Variants in SOX5 observed in about 807,000 individuals in gnomAD.
SOX5 encodes the protein SRY-box transcription factor 5.
In SOX5, 9 loss-of-function variants were observed where a neutral mutation model predicts 92.0. The ratio of observed to expected loss-of-function variants is 0.10; its 90% CI spans 0.06 to 0.17. The LOEUF (loss-of-function observed/expected upper bound fraction) is 0.17, where lower values mean the gene tolerates loss of function less well. Ranked by LOEUF, SOX5 falls within the 10% of genes least tolerant of loss-of-function variation. The probability of loss-of-function intolerance (pLI) is 1.00; values close to 1 mark genes in which losing one functional copy is unlikely to be tolerated. For missense variants in SOX5, 642 were observed against 944.5 expected, an observed-to-expected ratio of 0.68 and a Z score of 4.20; for synonymous variants, 344 against 336.3, an observed-to-expected ratio of 1.02 and a Z score of -0.25.
At chr12:24,048,005 C>T (rs948464232) in intron 4 of SOX5, among the ~76,000 whole-genome samples, 1 of 152,106 alleles carries the variant, frequency 6.6e-6, no homozygotes, top group Non-Finnish European at 1.5e-5. Flanking sequence ...CAGGTGAATA[C>T]CTAAATCATC....
chr12:24,486,814 T>G (rs1946571118), intron 1 of SOX5, among the ~76,000 whole-genome samples: 1 of 152,212 alleles, frequency 6.6e-6, no homozygotes. Context: ...ACTGAGTCCC[T>G]TAAAACCATT....
chr12:24,531,784 T>C (rs1342440480), intron 1 of SOX5, among the ~76,000 whole-genome samples: 1 of 152,206 alleles, frequency 6.6e-6, no homozygotes, highest in Admixed American at 6.5e-5. Flanking sequence ...TCAAATATCT[T>C]TTGACCATTT....
chr12:24,554,500 C>G (rs534373062), intron 1 of SOX5, among the ~76,000 whole-genome samples: 1 of 152,224 alleles, frequency 6.6e-6, no homozygotes, highest in Admixed American at 6.5e-5. Context: ...CACAGATTCC[C>G]TAGAGGAGTC....
At chr12:23,795,414 C>A (rs969215233) in intron 3 of SOX5, among the ~76,000 whole-genome samples, 1 of 152,062 alleles carries the variant, frequency 6.6e-6, no homozygotes, top group African/African-American at 2.4e-5. Flanking sequence ...TTCCCCTTTT[C>A]TGTACCTCAA....
At chr12:24,214,561 T>G (rs1959016742) in intron 3 of SOX5, among the ~76,000 whole-genome samples, 1 of 152,098 alleles carries the variant, frequency 6.6e-6, no homozygotes, top group Non-Finnish European at 1.5e-5. Context: ...TTCAAGATGT[T>G]TATGCATTTA....
chr12:24,308,025 GA>G (rs549021950), intron 2 of SOX5, among the ~76,000 whole-genome samples: 16 of 145,850 alleles, frequency 1.1e-4, no homozygotes, highest in African/African-American at 2.0e-4. Flanking sequence ...TCTCCCAGTA[GA>G]AAAAAAAAAA....
intron 8 of SOX5, among the ~76,000 whole-genome samples, chr12:23,613,449 T>C (rs897163309): frequency 1.3e-5 from 2 of 152,114 alleles, no homozygotes; most frequent in East Asian, 1.9e-4. Flanking sequence ...AAAAATAATA[T>C]GGTGGTTCCT....
intron 9 of SOX5, among the ~76,000 whole-genome samples, chr12:23,587,660 G>A (rs1015094562): frequency 2.0e-5 from 3 of 151,946 alleles, no homozygotes; most frequent in African/African-American, 4.8e-5. Context: ...AATTCAAAAT[G>A]TATTCATAAT....
intron 10 of SOX5, among the ~76,000 whole-genome samples, chr12:23,564,850 C>T (rs1398374250): frequency 6.6e-6 from 1 of 152,114 alleles, no homozygotes; most frequent in Non-Finnish European, 1.5e-5. Context: ...CTGCTGATTG[C>T]CAAAAAACAT....
At chr12:23,777,824 T>C (rs1166167223) in intron 3 of SOX5, among the ~76,000 whole-genome samples, 3 of 152,202 alleles carry the variant, frequency 2.0e-5, no homozygotes, top group Non-Finnish European at 4.4e-5. Flanking sequence ...TCCATCACCT[T>C]CAACGTACTT....
intron 2 of SOX5, among the ~76,000 whole-genome samples, chr12:24,367,669 GAC>G (rs1956310554): frequency 1.3e-5 from 2 of 152,092 alleles, no homozygotes; most frequent in Admixed American, 1.3e-4. Flanking sequence ...CAAGAAAAGA[GAC>G]ATGTTCTTTC....
chr12:23,643,736 G>A (rs920835306), intron 7 of SOX5, among the ~76,000 whole-genome samples: 4 of 152,192 alleles, frequency 2.6e-5, no homozygotes, highest in African/African-American at 9.7e-5. Flanking sequence ...ATTTAATGAT[G>A]TGGAGGTCAC....
Position 23,704,731 on chromosome 12 carries a change from C to CACAT in SOX5, c.810+29952_810+29953insATGT, listed in dbSNP as rs368949647. ...ATATATATATACACACACACACACA[C>CACAT]ATACACACATACATGCAGACAGATA... is the stretch of plus-strand genomic sequence containing the variant. On this transcript the variant is annotated intron_variant, in intron 6 of 14. Transcript: ENST00000451604. Among the ~76,000 whole-genome samples, 502 of 130,856 alleles carry CACAT rather than the reference C, an allele frequency of 3.8e-3. 6 individuals are homozygous for CACAT. Among genetic ancestry groups the CACAT allele is most frequent in the Admixed American group, 7.4e-3 (93 of 12,518 alleles). The allele number at this position is 130,856 out of a possible 152,430, so 85.8% of individuals were successfully genotyped here. A position where few individuals can be genotyped will look rare whatever the true frequency, so the allele number is the denominator to read the frequency against.
At chr12:24,523,051 T>C (rs933239646) in intron 1 of SOX5, among the ~76,000 whole-genome samples, 1 of 151,980 alleles carries the variant, frequency 6.6e-6, no homozygotes, top group Non-Finnish European at 1.5e-5. Flanking sequence ...TTAGAACTAA[T>C]AAATATAGTA....
intron 4 of SOX5, among the ~76,000 whole-genome samples, chr12:24,160,826 G>T (rs1952680419): frequency 6.6e-6 from 1 of 151,946 alleles, no homozygotes; most frequent in Non-Finnish European, 1.5e-5. Context: ...TGTTTCAAAA[G>T]GAAGTTGTAA....
At chr12:23,688,963 T>A (rs1414042375) in intron 6 of SOX5, among the ~76,000 whole-genome samples, 1 of 152,094 alleles carries the variant, frequency 6.6e-6, no homozygotes, top group South Asian at 2.1e-4. Flanking sequence ...ACTTTTCCCA[T>A]CAATTCCAAT....
At chr12:23,641,781 C>A (rs1270563059) in intron 7 of SOX5, among the ~76,000 whole-genome samples, 2 of 151,996 alleles carry the variant, frequency 1.3e-5, no homozygotes, top group Admixed American at 6.6e-5. Flanking sequence ...ATGACCATAG[C>A]AAATAACTAA....
intron 4 of SOX5, among the ~76,000 whole-genome samples, chr12:23,750,946 T>G (rs1176336996): frequency 6.6e-6 from 1 of 151,860 alleles, no homozygotes; most frequent in Non-Finnish European, 1.5e-5. Flanking sequence ...TTATAGAAAA[T>G]GTACTCACTC....
chr12:24,544,297 T>A (rs2138849623), intron 1 of SOX5, among the ~76,000 whole-genome samples: 1 of 152,294 alleles, frequency 6.6e-6, no homozygotes, highest in East Asian at 1.9e-4. Context: ...AAAAGATGGG[T>A]AAGAACTTAT....
Sources: allele counts gnomAD v4.1 joint callset (sites outside exome capture counted in the v4.1 genomes callset), GRCh38; gene constraint gnomAD v4.1.1; transcripts MANE v1.5; gene names NCBI Gene and HGNC (gene_info 2026-07-23, HGNC 2026-07-21).